The following PKMYT1 variants were observed in gnomAD, a reference collection of about 807,000 sequenced individuals.
PKMYT1 encodes the protein protein kinase, membrane associated tyrosine/threonine 1.
In PKMYT1, 35 loss-of-function variants were observed where a neutral mutation model predicts 49.7. That is an observed-to-expected ratio of 0.70 (90% CI 0.54 to 0.93). The LOEUF (loss-of-function observed/expected upper bound fraction) is 0.93. PKMYT1 is among the 40% of genes least tolerant of loss of function. The probability of loss-of-function intolerance (pLI) is 0.00; values close to 1 mark genes in which losing one functional copy is unlikely to be tolerated. For missense variants in PKMYT1, 677 were observed against 673.1 expected, an observed-to-expected ratio of 1.01 and a Z score of -0.06; for synonymous variants, 331 against 287.6, an observed-to-expected ratio of 1.15 and a Z score of -1.53.
In PKMYT1 at chr16:2,973,182, C is replaced by A. The variant is rs973791687; in HGVS notation, c.1344G>T (p.Arg448=). The A allele has an allele frequency of 1.3e-6, 2 of 1,527,318 alleles. No individual in the cohort carries two copies. Among genetic ancestry groups the A allele is most frequent in the South Asian group, 2.5e-5 (2 of 78,722 alleles). The allele number at this position is 1,527,318 out of a possible 1,614,324, so 94.6% of individuals were successfully genotyped here. Residue 448 remains arginine (R), a synonymous_variant, in exon 8 of 9, where the codon CGG becomes CGT. Transcript: ENST00000262300. ...GGGGGGTGGAGGTGCTCCCCACAGT[C>A]CGGGCCAGGACAGCCTCAGGGGAGA... ...PSLSPEAVLA[R]TVGSTSTPRS...
In PKMYT1 at chr16:2,975,495, A is replaced by G; in HGVS notation, c.696T>C (p.Leu232=). Residue 232 remains leucine (L), a synonymous_variant, in exon 4 of 9, where the codon CTT becomes CTC. Transcript: ENST00000262300. ...AHLHSQGLVH[L]DVKPANIFLG... ...GGAAGATGTTGGCAGGCTTGACATC[A>G]AGGTGCACCAGGCCCTGGCTGTGCA... The G allele has an allele frequency of 6.2e-7, 1 of 1,612,830 alleles. No individual in the cohort carries two copies. Among genetic ancestry groups the G allele is most frequent in the Non-Finnish European group, 8.5e-7 (1 of 1,179,920 alleles).
At chr16:2,977,324 T>G in intron 2 of PKMYT1, 1 of 1,203,832 alleles carries the variant, frequency 8.3e-7, no homozygotes, top group African/African-American at 1.5e-5. Context: ...CAGTTTGGAG[T>G]CAGACGGGCT....
At chr16:2,978,376 G>A (rs1183580921) in intron 2 of PKMYT1, among the ~76,000 whole-genome samples, 1 of 152,176 alleles carries the variant, frequency 6.6e-6, no homozygotes, top group East Asian at 1.9e-4. Context: ...TGGAGAAAGA[G>A]CTAGCTAGGA....
At chr16:2,977,263 A>C in intron 2 of PKMYT1, 1 of 1,372,382 alleles carries the variant, frequency 7.3e-7, no homozygotes, top group Non-Finnish European at 9.4e-7. Context: ...ATAAGAGGAA[A>C]ACCATGGGGC....
chr16:2,978,841 C>G (rs1201265726), intron 2 of PKMYT1, among the ~76,000 whole-genome samples: 3 of 150,744 alleles, frequency 2.0e-5, no homozygotes, highest in Admixed American at 6.6e-5. Context: ...GGGTCTCACT[C>G]TGTTGCCCAG....
chr16:2,974,862 C>G, intron 4 of PKMYT1: 1 of 585,816 alleles, frequency 1.7e-6, no homozygotes, highest in Non-Finnish European at 3.0e-6. Context: ...GGGCTCTGTG[C>G]CCAGGGAGCC....
intron 4 of PKMYT1, among the ~76,000 whole-genome samples, 173 bp downstream of exon 4, chr16:2,975,142 ACAGG>A (rs2072149913): frequency 6.6e-6 from 1 of 152,206 alleles, no homozygotes; most frequent in Non-Finnish European, 1.5e-5. Flanking sequence ...TTCGAGGCTC[ACAGG>A]CAGCCTGACC....
chr16:2,977,733 C>CA (rs1208516077), intron 2 of PKMYT1, among the ~76,000 whole-genome samples: 1 of 152,200 alleles, frequency 6.6e-6, no homozygotes, highest in East Asian at 1.9e-4. Flanking sequence ...CTCCAGCACC[C>CA]CTCTCCCCCC....
At chr16:2,975,263 G>C (rs559029183) in intron 4 of PKMYT1, 56 bp downstream of exon 4, 8 of 1,509,658 alleles carry the variant, frequency 5.3e-6, no homozygotes, top group Non-Finnish European at 7.1e-6. Context: ...TGGAGCTTCC[G>C]TCCCAGGAAG....
Position 2,973,024 on chromosome 16 carries a change from G to C in PKMYT1, c.1429C>G (p.Arg477Gly), listed in dbSNP as rs113683372. The change falls in exon 9 of 9, where the codon CGG (arginine) becomes GGG (glycine). Residue 477 changes from arginine to glycine, a missense_variant. Transcript: ENST00000262300. Reference protein sequence around the residue: ...DLSDINSEPPRGSFPSFEPRN... With the variant: ...DLSDINSEPPGGSFPSFEPRN... ...GGCTCAAAGGAGGGGAAGGAGCCCCGAGGAGGCTCTGAGTTGATGTCACTT... is the reference window on the plus strand; with the variant it reads ...GGCTCAAAGGAGGGGAAGGAGCCCCCAGGAGGCTCTGAGTTGATGTCACTT... The C allele has an allele frequency of 6.2e-7, 1 of 1,609,736 alleles. No homozygotes were observed. Among genetic ancestry groups the C allele is most frequent in the Non-Finnish European group, 8.5e-7 (1 of 1,178,918 alleles).
rs201199309 is a variant in PKMYT1 at position 2,974,564 on chromosome 16, G to A, written c.965C>T (p.Pro322Leu). ...WQQLRQGYLPPEFTAGLSSEL... is the reference protein window; with the variant it reads ...WQQLRQGYLPLEFTAGLSSEL... ...CACCTACTCACCGGCAGTGAACTCA[G>A]GGGGCAGGTAGCCCTGGCGCAGCTG... The change falls in exon 5 of 9, where the codon CCT becomes CTT. Residue 322 changes from proline to leucine, a missense_variant. Pro to Leu is a moderately conservative substitution (Grantham distance 98). Coordinates refer to ENST00000262300, the MANE Select transcript of PKMYT1 (RefSeq NM_004203.5). 1.5e-4 allele frequency: 244 copies of A among 1,576,428 alleles called. No individual in the cohort carries two copies. The East Asian group carries it at 5.5e-3, about 36-fold the overall frequency.
chr16:2,974,513 C>T (rs1173019919), intron 5 of PKMYT1, 37 bp downstream of exon 5: 16 of 1,526,454 alleles, frequency 1.0e-5, no homozygotes, highest in Non-Finnish European at 1.4e-5. Context: ...TCCCCAGGAG[C>T]CCGTGGCAGC....
Position 2,974,149 on chromosome 16 carries a change from A to G in PKMYT1, c.1161T>C (p.Leu387=), listed in dbSNP as rs1567384617. ...SRGWALWQAL[L]ALLCWLWHGL... ...CATGCCAGAGCCAGCAGAGCAGGGCAAGCAGGGCCTGTGGGGGAGAGGAGC... is the reference window on the plus strand; with the variant it reads ...CATGCCAGAGCCAGCAGAGCAGGGCGAGCAGGGCCTGTGGGGGAGAGGAGC... Residue 387 remains leucine (L), a synonymous_variant, in exon 7 of 9, where the codon CTT becomes CTC. Transcript: ENST00000262300. The G allele has an allele frequency of 6.2e-7, 1 of 1,601,314 alleles. No homozygotes were observed. The highest frequency in any genetic ancestry group is 1.7e-5 in the Admixed American group (1 of 58,486).
Position 2,973,261 on chromosome 16 carries a change from G to T in PKMYT1, c.1311-46C>A, listed in dbSNP as rs201488234. ...CAAGGAGGGTGTCCAGGGCTAGGGA[G>T]TGCCGGATGAAACCAGCTCTGTCCC... On this transcript the variant is annotated intron_variant, in intron 7 of 8. Transcript: ENST00000262300. 5.4e-6 allele frequency: 8 copies of T among 1,482,970 alleles called. No homozygotes were observed. In the East Asian group the frequency reaches 1.5e-4, roughly 27 times the overall value. 91.9% of individuals were successfully genotyped at this position (1,482,970 alleles called of 1,614,324 possible).
Position 2,973,073 on chromosome 16 carries a change from A to G in PKMYT1, c.1389-9T>C. On this transcript the variant is annotated splice_polypyrimidine_tract_variant and intron_variant, in intron 8 of 8. Coordinates refer to ENST00000262300, the MANE Select transcript of PKMYT1 (RefSeq NM_004203.5). ...TTAGGTCCAGGGCATCCCTGGGAGG[A>G]GAGAGTAGTGACACTCAGGATCCAA... 3 of 1,592,516 alleles carry G rather than the reference A, an allele frequency of 1.9e-6. No individual in the cohort carries two copies. The highest frequency in any genetic ancestry group is 2.6e-6 in the Non-Finnish European group (3 of 1,170,110).
intron 2 of PKMYT1, chr16:2,979,409 G>A: frequency 1.8e-6 from 1 of 559,740 alleles, no homozygotes; most frequent in Non-Finnish European, 3.2e-6. Flanking sequence ...AGGGGTGAGG[G>A]GAGCGATGCT....
chr16:2,975,860 T>TGGC (rs1186573012), intron 3 of PKMYT1, 48 bp from the exon 4 acceptor site: 1 of 1,546,646 alleles, frequency 6.5e-7, no homozygotes, highest in Admixed American at 1.8e-5. Flanking sequence ...GAGCCACAAG[T>TGGC]GGCACAATCA....
At position 2,979,864 on chromosome 16, in the gene PKMYT1, C is replaced by T; in HGVS notation, c.-207G>A. ...ACCTTTCCCGGTAGACGGTAAGTTC[C>T]TCCCAGGCAGGGCCGCGGCTGACTT... On this transcript the variant is annotated 5_prime_UTR_variant, in exon 2 of 9. Transcript: ENST00000262300. The T allele has an allele frequency of 1.6e-6, 1 of 613,086 alleles. No homozygotes were observed. Among genetic ancestry groups the T allele is most frequent in the South Asian group, 1.9e-5 (1 of 52,230 alleles). The allele number at this position is 613,086 out of a possible 1,614,324, so 38.0% of individuals were successfully genotyped here. A position where few individuals can be genotyped will look rare whatever the true frequency, so the allele number is the denominator to read the frequency against.
chr16:2,974,010 C>G lies in PKMYT1; in HGVS notation c.1300G>C (p.Asp434His), dbSNP rs200656682. The change falls in exon 7 of 9, where the codon GAC (aspartate) becomes CAC (histidine). Residue 434 changes from aspartate to histidine, a missense_variant. Coordinates refer to ENST00000262300, the MANE Select transcript of PKMYT1 (RefSeq NM_004203.5). The stretch of plus-strand genomic sequence containing the variant: ...TGCACTTGAACCCACCCTAGGCTGT[C>G]GTCATCCCAGTTGCTGGAGAGGCTG... ...DSSLSSNWDD[D>H]SLGPSLSPEA... The G allele has an allele frequency of 2.0e-5, 33 of 1,612,758 alleles. 1 individual carries two copies. The highest frequency in any genetic ancestry group is 3.3e-4 in the Middle Eastern group (2 of 6,058).
Sources: gnomAD v4.1 joint callset for allele counts (sites outside exome capture counted in the v4.1 genomes callset) on GRCh38, gnomAD v4.1.1 for gene constraint, MANE v1.5 for transcripts, NCBI Gene and HGNC (gene_info 2026-07-23, HGNC 2026-07-21) for gene names.